The following TRAK1 variants were observed in gnomAD, a reference collection of about 807,000 sequenced individuals.
TRAK1 encodes the protein trafficking kinesin-binding protein 1.
A neutral mutation model predicts 92.1 loss-of-function variants in TRAK1; 33 were observed. The observed-to-expected ratio is 0.36, with a 90% CI of 0.27 to 0.48. TRAK1 has a LOEUF of 0.48. TRAK1 is among the 20% of genes least tolerant of loss of function. The pLI, the probability that TRAK1 is intolerant of heterozygous loss-of-function variation, is 0.99. For synonymous variants in TRAK1, 521 were observed against 517.3 expected (o/e 1.01, Z -0.10); for missense variants, 1,123 against 1,257.9 (o/e 0.89, Z 1.62).
chr3:42,015,742 T>G (rs763949848), intron 1 of TRAK1, among the ~76,000 whole-genome samples: 2 of 152,194 alleles, frequency 1.3e-5, no homozygotes, highest in African/African-American at 2.4e-5. Flanking sequence ...TCAGGTAATA[T>G]AAAAGAGCTT....
intron 1 of TRAK1, among the ~76,000 whole-genome samples, chr3:42,050,376 G>A (rs1414641461): frequency 4.6e-5 from 7 of 152,158 alleles, no homozygotes; most frequent in Admixed American, 3.9e-4. Context: ...GCAGGAGCTG[G>A]AGAGGTATCA....
intron 1 of TRAK1, among the ~76,000 whole-genome samples, chr3:42,049,757 GC>G (rs1302148272): frequency 1.3e-5 from 2 of 151,956 alleles, no homozygotes; most frequent in Non-Finnish European, 2.9e-5. Context: ...GCTTTCAAAA[GC>G]CCCTCCTAAC....
At chr3:42,201,744 A>G (rs1223836854) in intron 12 of TRAK1, among the ~76,000 whole-genome samples, 1 of 151,918 alleles carries the variant, frequency 6.6e-6, no homozygotes, top group African/African-American at 2.4e-5. Flanking sequence ...TTGTGACCAG[A>G]ATGTGGTCAC....
At chr3:42,160,074 T>C in intron 2 of TRAK1, 1 of 881,696 alleles carries the variant, frequency 1.1e-6, no homozygotes, top group Non-Finnish European at 1.5e-6. Context: ...CTGAATCTCC[T>C]GCGCCTAGCA....
At chr3:42,038,664 T>A (rs192146256) in intron 1 of TRAK1, among the ~76,000 whole-genome samples, 410 of 151,822 alleles carry the variant, frequency 2.7e-3, no homozygotes, top group Middle Eastern at 0.01. Context: ...GGCGGGCGCC[T>A]GTAATCCCAG....
chr3:42,048,558 GTTCTT>G (rs1702852810), intron 1 of TRAK1, among the ~76,000 whole-genome samples: 1 of 135,016 alleles, frequency 7.4e-6, no homozygotes, highest in Admixed American at 7.7e-5. Flanking sequence ...TTCCTCTACA[GTTCTT>G]TTCTTTTTTT....
intron 1 of TRAK1, among the ~76,000 whole-genome samples, chr3:42,120,052 A>T (rs1709648482): frequency 6.6e-6 from 1 of 152,152 alleles, no homozygotes; most frequent in South Asian, 2.1e-4. Context: ...AACAAAAAAT[A>T]AAAAAATAAA....
rs77069548 is a variant in TRAK1, at chr3:42,132,318, C to A, written c.286+6704C>A. Reference sequence around the variant, plus strand: ...CCTGTCACCCGGGATGGAGTGAGTGCCTTGGTGCCATCTTGGCTCACTGCA... The same window carrying A: ...CCTGTCACCCGGGATGGAGTGAGTGACTTGGTGCCATCTTGGCTCACTGCA... On this transcript the variant is annotated intron_variant, in intron 2 of 15. Transcript: ENST00000327628. Among the ~76,000 whole-genome samples the A allele has an allele frequency of 3.5e-3, 512 of 146,240 alleles. 1 individual carries two copies. Among genetic ancestry groups the A allele is most frequent in the African/African-American group, 0.012 (471 of 39,354 alleles).
At chr3:42,031,746 G>A (rs945565965) in intron 1 of TRAK1, among the ~76,000 whole-genome samples, 2 of 152,176 alleles carry the variant, frequency 1.3e-5, no homozygotes, top group African/African-American at 4.8e-5. Flanking sequence ...GAAATTTACT[G>A]TTTTCAAAAT....
intron 2 of TRAK1, among the ~76,000 whole-genome samples, chr3:42,143,894 G>A (rs1031518605): frequency 2.6e-5 from 4 of 152,206 alleles, no homozygotes; most frequent in African/African-American, 9.6e-5. Context: ...CCAAGCATAT[G>A]AAATACTTTT....
intron 2 of TRAK1, among the ~76,000 whole-genome samples, chr3:42,138,645 C>T (rs922692431): frequency 6.6e-6 from 1 of 150,860 alleles, no homozygotes; most frequent in East Asian, 1.9e-4. Context: ...CCAGCACTCC[C>T]GGGGGCTGAG....
chr3:42,160,490 G>A (rs751720606), intron 2 of TRAK1: 1 of 1,613,314 alleles, frequency 6.2e-7, no homozygotes, highest in Non-Finnish European at 8.5e-7. Flanking sequence ...TCTGTACTTG[G>A]CTCAGATTTG....
chr3:42,102,848 C>T (rs562709191), intron 1 of TRAK1, among the ~76,000 whole-genome samples: 88 of 117,270 alleles, frequency 7.5e-4, no homozygotes, highest in Middle Eastern at 5.0e-3. Context: ...CTCCAGGGAC[C>T]CTCCCCTGTC....
intron 1 of TRAK1, among the ~76,000 whole-genome samples, chr3:42,066,383 A>G (rs1360547155): frequency 6.6e-6 from 1 of 152,062 alleles, no homozygotes; most frequent in Non-Finnish European, 1.5e-5. Flanking sequence ...TAGAACCCCT[A>G]AGTCCATGGA....
At chr3:42,081,565 A>G (rs998026796) in intron 1 of TRAK1, among the ~76,000 whole-genome samples, 2 of 152,204 alleles carry the variant, frequency 1.3e-5, no homozygotes, top group East Asian at 1.9e-4. Context: ...ATGGTGGTCA[A>G]TGGACAATGC....
rs578203250 is a variant in TRAK1, at chr3:42,061,548, T to C, written c.-518-25556T>C. Among the ~76,000 whole-genome samples the C allele has an allele frequency of 3.3e-5, 5 of 152,180 alleles. No individual in the cohort carries two copies. The South Asian group carries it at 1.0e-3, about 32-fold the overall frequency. ...CAATCAGCTGCTACAGAGCTCTGAA[T>C]ATCATGTGAACCCAGTGCCACTTGA... is the stretch of plus-strand genomic sequence containing the variant. On this transcript the variant is annotated intron_variant, in intron 1 of 16. Transcript: ENST00000487159.
rs761473930 is a variant in TRAK1, at chr3:42,223,318, G to C, written c.2443G>C (p.Ala815Pro). Residue 815 changes from alanine to proline, a missense_variant, in exon 16 of 16, where the codon GCC becomes CCC. Coordinates refer to ENST00000327628, the MANE Select transcript of TRAK1 (RefSeq NM_001042646.3). The surrounding 1 kb of genome is among the most constrained non-coding windows in gnomAD (Gnocchi z 6.1). ...PYDNFLASKP[A>P]SSILREVREK... ...CGACAATTTCCTGGCTTCCAAGCCA[G>C]CCAGCTCCATCCTGAGGGAAGTGAG... 6.2e-7 allele frequency: 1 copy of C among 1,614,164 alleles called. No individual in the cohort carries two copies.
intron 2 of TRAK1, among the ~76,000 whole-genome samples, chr3:42,173,661 A>G (rs892004146): frequency 5.3e-5 from 8 of 152,186 alleles, no homozygotes; most frequent in Admixed American, 1.3e-4. Context: ...GTTTTAGTAC[A>G]GGAGCCAGAC....
At chr3:42,154,870 A>G (rs928267569) in intron 2 of TRAK1, among the ~76,000 whole-genome samples, 3 of 152,124 alleles carry the variant, frequency 2.0e-5, no homozygotes, top group African/African-American at 7.2e-5. Flanking sequence ...AGTGGAGAGA[A>G]AGATGCTCAT....
Sources: gnomAD v4.1 joint callset for allele counts (sites outside exome capture counted in the v4.1 genomes callset) on GRCh38, gnomAD v4.1.1 for gene constraint, Gnocchi (gnomAD v3.1) non-coding constraint, MANE v1.5 for transcripts, NCBI Gene and HGNC (gene_info 2026-07-23, HGNC 2026-07-21) for gene names.